Variants in CREB5 observed in about 807,000 individuals in gnomAD.
The protein encoded by CREB5 is cyclic AMP-responsive element-binding protein 5.
A neutral mutation model predicts 57.1 loss-of-function variants in CREB5; 19 were observed. The ratio of observed to expected loss-of-function variants is 0.33; its 90% CI spans 0.23 to 0.49. CREB5 has a LOEUF of 0.49. Among genes scored for constraint, CREB5 ranks in the 20% least tolerant of loss-of-function variants. The pLI is 0.99. For synonymous variants in CREB5, 238 were observed against 238.3 expected (o/e 1.00, Z 0.01); for missense variants, 579 against 671.6 (o/e 0.86, Z 1.52).
intron 7 of CREB5, among the ~76,000 whole-genome samples, chr7:28,765,962 G>A (rs1805950752): frequency 6.6e-6 from 1 of 152,056 alleles, no homozygotes; most frequent in African/African-American, 2.4e-5. Context: ...TTTGGGTGGT[G>A]CGGCAGGGAA....
At chr7:28,464,638 T>C (rs1790486965) in intron 1 of CREB5, among the ~76,000 whole-genome samples, 1 of 152,058 alleles carries the variant, frequency 6.6e-6, no homozygotes, top group African/African-American at 2.4e-5. Flanking sequence ...ATTTGTCCTT[T>C]TCATCAGGAT....
intron 5 of CREB5, among the ~76,000 whole-genome samples, chr7:28,628,038 A>G (rs943242959): frequency 6.6e-6 from 1 of 151,922 alleles, no homozygotes; most frequent in African/African-American, 2.4e-5. Flanking sequence ...TCTCTTTTCC[A>G]GTTATTTGGA....
intron 5 of CREB5, among the ~76,000 whole-genome samples, 190 bp from the exon 6 acceptor site, chr7:28,718,563 A>T (rs1218961190): frequency 6.6e-6 from 1 of 152,326 alleles, no homozygotes; most frequent in South Asian, 2.1e-4. Context: ...ATTAACTAGG[A>T]AGCAGCAAAG....
intron 5 of CREB5, among the ~76,000 whole-genome samples, chr7:28,570,869 G>C (rs1795673399): frequency 6.6e-6 from 1 of 152,090 alleles, no homozygotes; most frequent in African/African-American, 2.4e-5. Flanking sequence ...AACAAACATG[G>C]TGGAGGGAAG....
intron 1 of CREB5, among the ~76,000 whole-genome samples, chr7:28,465,549 A>G (rs1302512886): frequency 1.3e-5 from 2 of 152,180 alleles, no homozygotes; most frequent in Non-Finnish European, 1.5e-5. Flanking sequence ...TAAGAATAGC[A>G]TAGGATTTGG....
At chr7:28,692,013 C>CAAA (rs10660459) in intron 5 of CREB5, among the ~76,000 whole-genome samples, 13,951 of 102,522 alleles carry the variant, frequency 0.14, 826 homozygotes, top group Non-Finnish European at 0.18. Context: ...TACTAAAATA[C>CAAA]AAAAAAAAAA....
At chr7:28,736,123 A>T (rs1377614992) in intron 7 of CREB5, among the ~76,000 whole-genome samples, 1 of 152,040 alleles carries the variant, frequency 6.6e-6, no homozygotes, top group East Asian at 1.9e-4. Context: ...TGTGGTAAGG[A>T]GTCAGCAAGG....
chr7:28,522,006 A>G (rs1164224216), intron 4 of CREB5, among the ~76,000 whole-genome samples: 1 of 152,188 alleles, frequency 6.6e-6, no homozygotes, highest in Non-Finnish European at 1.5e-5. Flanking sequence ...ATTCACCATC[A>G]TTCCTTGGGC....
intron 5 of CREB5, among the ~76,000 whole-genome samples, chr7:28,692,270 C>A (rs1481698640): frequency 6.6e-6 from 1 of 151,542 alleles, no homozygotes; most frequent in African/African-American, 2.4e-5. Context: ...GGGATTCTGA[C>A]CTTCAAAGGG....
intron 5 of CREB5, among the ~76,000 whole-genome samples, chr7:28,674,017 T>C (rs960282452): frequency 6.6e-6 from 1 of 152,110 alleles, no homozygotes; most frequent in Non-Finnish European, 1.5e-5. Flanking sequence ...TGTTTAGGTA[T>C]TAGAGCAGTG....
At chr7:28,734,455 C>T (rs1223913080) in intron 7 of CREB5, among the ~76,000 whole-genome samples, 1 of 151,884 alleles carries the variant, frequency 6.6e-6, no homozygotes, top group African/African-American at 2.4e-5. Flanking sequence ...GTATTTTTTC[C>T]TATCAAGTAT....
chr7:28,492,531 C>A (rs376707345), intron 2 of CREB5, among the ~76,000 whole-genome samples: 8 of 151,966 alleles, frequency 5.3e-5, no homozygotes, highest in African/African-American at 1.9e-4. Context: ...TAAAAAAAAT[C>A]ACGATGTCCT....
intron 4 of CREB5, among the ~76,000 whole-genome samples, chr7:28,565,204 G>T (rs1182707706): frequency 6.6e-6 from 1 of 152,196 alleles, no homozygotes; most frequent in Non-Finnish European, 1.5e-5. Flanking sequence ...CAATAGAAGA[G>T]ACCTTGGAGG....
At chr7:28,555,120 T>C (rs1554342981) in intron 4 of CREB5, among the ~76,000 whole-genome samples, 3 of 151,998 alleles carry the variant, frequency 2.0e-5, no homozygotes, top group Non-Finnish European at 1.5e-5. Context: ...TGTGTGTGTG[T>C]GTGTGTAAAT....
chr7:28,667,993 A>G (rs1799891183), intron 5 of CREB5, among the ~76,000 whole-genome samples: 1 of 152,214 alleles, frequency 6.6e-6, no homozygotes. Context: ...CAGTCACATG[A>G]AGTTAATCAT....
chr7:28,809,454 T>G (rs1808967964), intron 9 of CREB5, 40 bp downstream of exon 9: 1 of 1,536,284 alleles, frequency 6.5e-7, no homozygotes, highest in African/African-American at 1.4e-5. Context: ...TCAAAGGCCC[T>G]CTGCTCCACG....
intron 1 of CREB5, among the ~76,000 whole-genome samples, chr7:28,479,066 A>T (rs1791208795): frequency 6.6e-6 from 1 of 152,294 alleles, no homozygotes; most frequent in Non-Finnish European, 1.5e-5. Flanking sequence ...GGACGCACTT[A>T]GTCCCTTCCT....
intron 1 of CREB5, among the ~76,000 whole-genome samples, chr7:28,363,043 A>T (rs949264229): frequency 6.6e-6 from 1 of 152,198 alleles, no homozygotes; most frequent in African/African-American, 2.4e-5. Flanking sequence ...TGCTAAGTAT[A>T]AGCTCAACTA....
chr7:28,777,522 A>C (rs754417609), intron 7 of CREB5, among the ~76,000 whole-genome samples: 1 of 152,230 alleles, frequency 6.6e-6, no homozygotes, highest in Non-Finnish European at 1.5e-5. Context: ...GTATAACTAC[A>C]TTCCATCAAC....
Sources: gnomAD v4.1 joint callset for allele counts (sites outside exome capture counted in the v4.1 genomes callset) on GRCh38, gnomAD v4.1.1 for gene constraint, MANE v1.5 for transcripts, NCBI Gene and HGNC (gene_info 2026-07-23, HGNC 2026-07-21) for gene names.